ZNF544: variants seen among roughly 807,000 people sequenced by gnomAD.
The protein encoded by ZNF544 is zinc finger protein AF020591.
Under a neutral mutation model 13.5 loss-of-function variants are expected in ZNF544, and 10 were observed. The ratio of observed to expected loss-of-function variants is 0.74; its 90% CI spans 0.46 to 1.25. The LOEUF (loss-of-function observed/expected upper bound fraction) is 1.25, where lower values mean the gene tolerates loss of function less well. Ranked by LOEUF, ZNF544 falls within the 50% of genes most tolerant of loss-of-function variation. The probability of loss-of-function intolerance (pLI) is 0.00; values close to 1 mark genes in which losing one functional copy is unlikely to be tolerated. For missense variants in ZNF544, 896 were observed against 845.6 expected (o/e 1.06, Z -0.74); for synonymous variants, 323 against 300.5 (o/e 1.07, Z -0.77).
chr19:58,246,738 T>C lies in ZNF544; in HGVS notation c.188T>C (p.Ile63Thr). 2 of 1,614,090 alleles carry C rather than the reference T, an allele frequency of 1.2e-6. No homozygotes were observed. Among genetic ancestry groups the C allele is most frequent in the Non-Finnish European group, 1.7e-6 (2 of 1,179,970 alleles). ...LGLFLSKSDV[I>T]SQLEQEEDLC... ...CTTTTCCTTTCCAAATCTGATGTGA[T>C]CTCTCAGCTGGAGCAAGAAGAGGAC... Residue 63 changes from isoleucine to threonine, a missense_variant, in exon 6 of 7, where the codon ATC becomes ACC. By Grantham distance (89) the Ile-to-Thr change is moderately conservative (BLOSUM62 -1). Coordinates refer to ENST00000687789, the MANE Select transcript of ZNF544 (RefSeq NM_014480.4).
rs571507375 is a variant in ZNF544 at position 58,244,034 on chromosome 19, G to C, written c.11G>C (p.Arg4Pro). The part of the protein sequence containing the change: MEA[R>P]SMLVPPQASV... Reference sequence around the variant, plus strand: ...AGGTGCAGGGAGGAAATGGAAGCACGTTCTATGCTGGTTCCACCCCAGGTG... The same window carrying C: ...AGGTGCAGGGAGGAAATGGAAGCACCTTCTATGCTGGTTCCACCCCAGGTG... Residue 4 changes from arginine (R) to proline (P), a missense_variant, in exon 4 of 7, where the codon CGT (arginine) becomes CCT (proline). Coordinates refer to ENST00000687789, the MANE Select transcript of ZNF544 (RefSeq NM_014480.4). The C allele has an allele frequency of 2.5e-6, 4 of 1,608,342 alleles. No individual in the cohort carries two copies. Among genetic ancestry groups the C allele is most frequent in the Non-Finnish European group, 3.4e-6 (4 of 1,177,242 alleles).
intron 5 of ZNF544, among the ~76,000 whole-genome samples, chr19:58,275,646 A>G (rs1218513544): frequency 6.6e-6 from 1 of 151,908 alleles, no homozygotes; most frequent in Non-Finnish European, 1.5e-5. Context: ...CTGTCTCTAC[A>G]AAAAATACAA....
rs1377224194 is a variant in ZNF544, at chr19:58,261,910, C to T, written c.1304C>T (p.Pro435Leu). The T allele has an allele frequency of 2.5e-6, 4 of 1,612,870 alleles. No individual in the cohort carries two copies. Among genetic ancestry groups the T allele is most frequent in the African/African-American group, 2.7e-5 (2 of 74,442 alleles). Residue 435 changes from proline to leucine, a missense_variant, in exon 7 of 7, where the codon CCG (proline) becomes CTG (leucine). By Grantham distance (98) the Pro-to-Leu change is moderately conservative (BLOSUM62 -3). Coordinates refer to ENST00000687789, the MANE Select transcript of ZNF544 (RefSeq NM_014480.4). ...THQRIHTGEK[P>L]YQCIECRKSF... Reference sequence around the variant, plus strand: ...CAGCGAATTCACACTGGAGAAAAACCGTATCAGTGTATTGAATGCAGAAAA... The same window carrying T: ...CAGCGAATTCACACTGGAGAAAAACTGTATCAGTGTATTGAATGCAGAAAA...
chr19:58,250,069 G>A (rs547145847), intron 6 of ZNF544, among the ~76,000 whole-genome samples: 1 of 152,322 alleles, frequency 6.6e-6, no homozygotes, highest in East Asian at 1.9e-4. Flanking sequence ...ATAAACAAGT[G>A]TAAAGGTTCT....
intron 1 of ZNF544, 139 bp from the exon 2 acceptor site, chr19:58,229,329 C>T (rs995844217): frequency 8.6e-5 from 13 of 150,416 alleles, no homozygotes; most frequent in African/African-American, 3.2e-4. Context: ...GTGGGCCCTC[C>T]CGACAGAGGG....
At chr19:58,239,310 G>A (rs1294209699) in intron 3 of ZNF544, among the ~76,000 whole-genome samples, 1 of 152,152 alleles carries the variant, frequency 6.6e-6, no homozygotes, top group Non-Finnish European at 1.5e-5. Context: ...CCAGATTGCA[G>A]CCAGTAGCTG....
rs376715981 is a variant in ZNF544, at chr19:58,261,326, C to T, written c.720C>T (p.Asn240=). 1.9e-6 allele frequency: 3 copies of T among 1,613,998 alleles called. No individual in the cohort carries two copies. The highest frequency in any genetic ancestry group is 2.5e-6 in the Non-Finnish European group (3 of 1,180,046). The change falls in exon 7 of 7, where the codon AAC becomes AAT. Residue 240 remains asparagine, a synonymous_variant. Coordinates refer to ENST00000687789, the MANE Select transcript of ZNF544 (RefSeq NM_014480.4). The part of the protein sequence containing the change: ...KLGNVETGKK[N]PYEYIVSGDS... ...GAAACGTTGAAACAGGAAAGAAAAA[C>T]CCTTATGAATATATTGTCAGTGGTG...
chr19:58,260,591 ATTC>A (rs1444593048), intron 6 of ZNF544: 2 of 337,078 alleles, frequency 5.9e-6, no homozygotes, highest in African/African-American at 4.3e-5. Context: ...CTCCCTGCTT[ATTC>A]TTATTCTTCT....
At chr19:58,242,205 C>T in intron 3 of ZNF544, 1 of 984,990 alleles carries the variant, frequency 1.0e-6, no homozygotes, top group Non-Finnish European at 1.2e-6. Context: ...TGAGGTGGCC[C>T]ATGCTTAGGC....
At chr19:58,241,181 T>TTAAATACATATATATATATATA (rs1568461117) in intron 3 of ZNF544, among the ~76,000 whole-genome samples, 1 of 51,278 alleles carries the variant, frequency 2.0e-5, no homozygotes, top group African/African-American at 9.1e-5. Context: ...ATATATATAT[T>TTAAATACATATATATATATATA]TTTTTTTTTT....
At chr19:58,232,606 C>T (rs1409914862) in intron 3 of ZNF544, among the ~76,000 whole-genome samples, 3 of 151,626 alleles carry the variant, frequency 2.0e-5, no homozygotes, top group African/African-American at 7.3e-5. Context: ...CCTGCTTTGA[C>T]CTCTGTATTA....
intron 5 of ZNF544, among the ~76,000 whole-genome samples, chr19:58,274,162 TTAATA>T (rs2051032865): frequency 6.6e-6 from 1 of 151,852 alleles, no homozygotes; most frequent in Non-Finnish European, 1.5e-5. Flanking sequence ...CGGAAAAAAA[TTAATA>T]TATTTTATTA....
At chr19:58,266,635 C>G (rs1327778656), downstream of ZNF544, 1 of 151,814 alleles carries the variant, frequency 6.6e-6, no homozygotes, top group Non-Finnish European at 1.5e-5. Flanking sequence ...GCAGCCCCAG[C>G]AGAGCCATAG....
chr19:58,276,464 A>AT (rs756817520), intron 6 of ZNF544: 446 of 1,158,936 alleles, frequency 3.8e-4, no homozygotes, highest in Middle Eastern at 1.3e-3. Flanking sequence ...TCAGAATTTT[A>AT]TTTTTATTTT....
chr19:58,240,422 T>C (rs1483715057), intron 3 of ZNF544, among the ~76,000 whole-genome samples: 1 of 151,960 alleles, frequency 6.6e-6, no homozygotes, highest in Non-Finnish European at 1.5e-5. Flanking sequence ...CACGCCCGTC[T>C]AATTTTTTGT....
chr19:58,246,194 A>G (rs1013032338), intron 4 of ZNF544, 107 bp from the exon 5 acceptor site: 4 of 1,471,582 alleles, frequency 2.7e-6, no homozygotes, highest in Non-Finnish European at 3.8e-6. Flanking sequence ...ATTAGGTTCC[A>G]ATGTATGAAT....
intron 5 of ZNF544, among the ~76,000 whole-genome samples, chr19:58,271,730 T>C (rs2050659637): frequency 6.6e-6 from 1 of 152,194 alleles, no homozygotes; most frequent in South Asian, 2.1e-4. Flanking sequence ...TAACAAATTA[T>C]TTCAAATGTG....
At chr19:58,239,288 GGCC>G (rs1418424222) in intron 3 of ZNF544, among the ~76,000 whole-genome samples, 3 of 152,056 alleles carry the variant, frequency 2.0e-5, no homozygotes, top group African/African-American at 7.2e-5. Flanking sequence ...ACACCTTCCT[GGCC>G]TCTGCCCACC....
chr19:58,251,919 G>A lies in ZNF544; in HGVS notation c.244+5125G>A, dbSNP rs150925507. Among the ~76,000 whole-genome samples, 254 of 152,292 alleles carry A rather than the reference G, an allele frequency of 1.7e-3. 3 individuals carry two copies. Among genetic ancestry groups the A allele is most frequent in the Admixed American group, 0.015 (231 of 15,302 alleles). ...TCTGAGAACCTTAGCAACCCCTTGA[G>A]TTATTTGGGAGACAAAAGATGGGCT... On this transcript the variant is annotated intron_variant, in intron 6 of 6. Transcript: ENST00000687789.
Sources: allele counts gnomAD v4.1 joint callset (sites outside exome capture counted in the v4.1 genomes callset), GRCh38; gene constraint gnomAD v4.1.1; transcripts MANE v1.5; gene names NCBI Gene and HGNC (gene_info 2026-07-23, HGNC 2026-07-21).